Variants in IL1RAPL1 observed in about 807,000 individuals in gnomAD.
IL1RAPL1 encodes interleukin-1 receptor accessory protein-like 1.
IL1RAPL1 carries 3 observed loss-of-function variants against 48.4 expected under a neutral mutation model. The ratio of observed to expected loss-of-function variants is 0.06; its 90% CI spans 0.03 to 0.16. The LOEUF is 0.16. IL1RAPL1 is among the 10% of genes least tolerant of loss of function. The probability of loss-of-function intolerance (pLI) is 1.00; values close to 1 mark genes in which losing one functional copy is unlikely to be tolerated. For synonymous variants in IL1RAPL1, 185 were observed against 187.7 expected (o/e 0.99, Z 0.12); for missense variants, 349 against 530.6 (o/e 0.66, Z 3.36).
At chrX:29,231,556 T>C (rs1569265526) in intron 2 of IL1RAPL1, among the ~76,000 whole-genome samples, 1 of 111,827 alleles carries the variant, frequency 8.9e-6, no homozygotes, top group Non-Finnish European at 1.9e-5. Context: ...ACATTGAAAT[T>C]TGCATTCATT....
chrX:29,247,484 G>T (rs1267262384), intron 2 of IL1RAPL1, among the ~76,000 whole-genome samples: 1 of 111,156 alleles, frequency 9.0e-6, no homozygotes, highest in Non-Finnish European at 1.9e-5. Context: ...CAAAAAGTGA[G>T]CTTGTTAAAA....
chrX:29,379,568 C>T (rs753006920), intron 3 of IL1RAPL1, among the ~76,000 whole-genome samples: 5 of 111,686 alleles, frequency 4.5e-5, no homozygotes, highest in Non-Finnish European at 9.4e-5. Flanking sequence ...CATGGAATCC[C>T]CTGTAGCTAG....
chrX:29,364,438 CTGTAA>C (rs1394533740), intron 3 of IL1RAPL1, among the ~76,000 whole-genome samples: 5 of 108,900 alleles, frequency 4.6e-5, no homozygotes. Flanking sequence ...TGGTGGGCAC[CTGTAA>C]TCCCAGCTAC....
intron 3 of IL1RAPL1, among the ~76,000 whole-genome samples, chrX:29,344,618 G>A (rs1378244858): frequency 1.8e-5 from 2 of 111,407 alleles, no homozygotes; most frequent in Non-Finnish European, 3.8e-5. Context: ...CTTCTCCAGA[G>A]GTAACCATGT....
At chrX:28,704,423 C>G (rs1361738310) in intron 1 of IL1RAPL1, among the ~76,000 whole-genome samples, 3 of 25,024 alleles carry the variant, frequency 1.2e-4, no homozygotes, top group Non-Finnish European at 2.7e-4. Context: ...AACACACAAA[C>G]ACACACACAC....
intron 3 of IL1RAPL1, among the ~76,000 whole-genome samples, chrX:29,347,778 A>G (rs1001748279): frequency 9.0e-6 from 1 of 111,383 alleles, no homozygotes; most frequent in African/African-American, 3.3e-5. Flanking sequence ...TGCCAGCATA[A>G]CTATTCTTGC....
At chrX:28,979,352 A>G (rs1244184438) in intron 2 of IL1RAPL1, among the ~76,000 whole-genome samples, 1 of 112,178 alleles carries the variant, frequency 8.9e-6, no homozygotes, top group Non-Finnish European at 1.9e-5. Context: ...ACTTTGTTCA[A>G]TATACTTTCA....
chrX:28,830,113 C>T (rs1330938709), intron 2 of IL1RAPL1, among the ~76,000 whole-genome samples: 1 of 111,375 alleles, frequency 9.0e-6, no homozygotes. Context: ...CTTGAATTGT[C>T]TCTGTCTGGT....
chrX:28,860,558 A>G (rs1432992424), intron 2 of IL1RAPL1, among the ~76,000 whole-genome samples: 1 of 108,243 alleles, frequency 9.2e-6, no homozygotes, highest in Non-Finnish European at 1.9e-5. Flanking sequence ...CCTGGGTTCA[A>G]GCAATTCTCC....
intron 6 of IL1RAPL1, among the ~76,000 whole-genome samples, chrX:29,740,531 G>A (rs1456797598): frequency 2.7e-5 from 3 of 111,356 alleles, no homozygotes; most frequent in African/African-American, 9.8e-5. Flanking sequence ...GTTATCCTAC[G>A]GCATTTTCTT....
At chrX:28,806,790 A>AT (rs1324709898) in intron 2 of IL1RAPL1, among the ~76,000 whole-genome samples, 1 of 111,180 alleles carries the variant, frequency 9.0e-6, no homozygotes, top group East Asian at 2.8e-4. Context: ...ATTTTTAATG[A>AT]TACATGATTT....
At chrX:29,922,718 T>C (rs1401009905) in intron 8 of IL1RAPL1, among the ~76,000 whole-genome samples, 1 of 112,280 alleles carries the variant, frequency 8.9e-6, no homozygotes, top group African/African-American at 3.2e-5. Flanking sequence ...TCTTTGATCA[T>C]TGAGTCTCTA....
intron 5 of IL1RAPL1, among the ~76,000 whole-genome samples, chrX:29,599,844 G>A (rs530398711): frequency 1.9e-3 from 212 of 111,581 alleles, no homozygotes; most frequent in African/African-American, 6.6e-3. Flanking sequence ...GCATTTCTCT[G>A]TGTGCCCTTG....
chrX:29,850,631 T>C (rs1208480321), intron 6 of IL1RAPL1, among the ~76,000 whole-genome samples: 15 of 112,396 alleles, frequency 1.3e-4, no homozygotes, highest in Non-Finnish European at 2.6e-4. Context: ...AGGGCAGGAA[T>C]ACATTGCCTT....
chrX:29,868,667 C>T (rs1223664051), intron 6 of IL1RAPL1, among the ~76,000 whole-genome samples: 1 of 112,360 alleles, frequency 8.9e-6, no homozygotes, highest in African/African-American at 3.2e-5. Flanking sequence ...GTTTGAAGTG[C>T]AATTCAAGAC....
intron 2 of IL1RAPL1, among the ~76,000 whole-genome samples, chrX:29,086,210 C>T (rs1927948607): frequency 8.9e-6 from 1 of 112,395 alleles, no homozygotes; most frequent in Admixed American, 9.5e-5. Context: ...CAGTTTGTTG[C>T]TTTAGCTTTT....
chrX:29,191,560 C>A (rs1326528601), intron 2 of IL1RAPL1, among the ~76,000 whole-genome samples: 1 of 112,097 alleles, frequency 8.9e-6, no homozygotes, highest in Non-Finnish European at 1.9e-5. Flanking sequence ...TTGATTTCTT[C>A]TTTCTTTCCC....
At chrX:29,005,690 T>A (rs1925961386) in intron 2 of IL1RAPL1, among the ~76,000 whole-genome samples, 1 of 111,766 alleles carries the variant, frequency 8.9e-6, no homozygotes, top group South Asian at 3.7e-4. Context: ...TTAATTAAAA[T>A]GTTTTAAATA....
At chrX:28,744,657 A>G (rs1262221898) in intron 1 of IL1RAPL1, among the ~76,000 whole-genome samples, 1 of 111,897 alleles carries the variant, frequency 8.9e-6, no homozygotes, top group Non-Finnish European at 1.9e-5. Flanking sequence ...AGGCACTGGG[A>G]ATGATATGAT....
Sources: gnomAD v4.1 joint callset for allele counts (sites outside exome capture counted in the v4.1 genomes callset) on GRCh38, gnomAD v4.1.1 for gene constraint, MANE v1.5 for transcripts, NCBI Gene and HGNC (gene_info 2026-07-23, HGNC 2026-07-21) for gene names.